SCAMP1: variants seen among roughly 807,000 people sequenced by gnomAD.
SCAMP1 encodes the protein secretory carrier-associated membrane protein 1.
Under a neutral mutation model 41.8 loss-of-function variants are expected in SCAMP1, and 15 were observed. That is an observed-to-expected ratio of 0.36 (90% CI 0.24 to 0.55). The LOEUF (loss-of-function observed/expected upper bound fraction) is 0.55. Among genes scored for constraint, SCAMP1 ranks in the 20% least tolerant of loss-of-function variants. The pLI, the probability that SCAMP1 is intolerant of heterozygous loss-of-function variation, is 0.86. For missense variants in SCAMP1, 341 were observed against 412.6 expected (o/e 0.83, Z 1.50); for synonymous variants, 135 against 136.8 (o/e 0.99, Z 0.09).
At chr5:78,442,764 T>G (rs1179206882) in intron 6 of SCAMP1, among the ~76,000 whole-genome samples, 3 of 152,252 alleles carry the variant, frequency 2.0e-5, no homozygotes, top group African/African-American at 7.2e-5. Flanking sequence ...TTTTAGTTGT[T>G]ATATTCTCCT....
intron 1 of SCAMP1, among the ~76,000 whole-genome samples, chr5:78,362,667 T>G (rs1435288277): frequency 2.0e-5 from 3 of 152,252 alleles, no homozygotes; most frequent in African/African-American, 7.2e-5. Context: ...TTCTCTGTTT[T>G]TGGTGACTGT....
rs780226418 is a variant in SCAMP1 at position 78,446,149 on chromosome 5, CTG to C, written c.633-3781_633-3780del. ...TCATTTGATCAGTTTTGTACACTAA[CTG>C]TGCATTTGTGTGTACTAACTGTACA... On this transcript the variant is annotated intron_variant, in intron 6 of 8. Transcript: ENST00000621999. Among the ~76,000 whole-genome samples the C allele has an allele frequency of 1.2e-4, 19 of 152,286 alleles. No homozygotes were observed. In the East Asian group the frequency reaches 1.7e-3, roughly 14 times the overall value.
chr5:78,409,447 ACG>A (rs1491214688), intron 2 of SCAMP1, among the ~76,000 whole-genome samples: 17 of 148,960 alleles, frequency 1.1e-4, no homozygotes, highest in Non-Finnish European at 2.2e-4. Flanking sequence ...ACACACACAC[ACG>A]CATACACGCT....
At chr5:78,376,520 G>T (rs1751069728) in intron 1 of SCAMP1, among the ~76,000 whole-genome samples, 1 of 152,142 alleles carries the variant, frequency 6.6e-6, no homozygotes, top group African/African-American at 2.4e-5. Context: ...CCAGTTCTTA[G>T]CAGTCACTTA....
At chr5:78,361,153 T>G in intron 1 of SCAMP1, 2 of 166,218 alleles carry the variant, frequency 1.2e-5, no homozygotes, top group South Asian at 1.4e-4. Flanking sequence ...GGACCCGAGG[T>G]GGCGGCGGCG....
Position 78,430,814 on chromosome 5 carries a change from A to G in SCAMP1, c.632+8854A>G, listed in dbSNP as rs144924705. 5.5e-3 allele frequency among the ~76,000 whole-genome samples: 831 copies of G among 152,160 alleles called. 4 individuals are homozygous for G. The highest frequency in any genetic ancestry group is 0.019 in the African/African-American group (785 of 41,562). ...GAATCCAGGTACATCAGTGATTTCCACACAGTAAGTTAACTGACTTTGGAA... is the reference window on the plus strand; with the variant it reads ...GAATCCAGGTACATCAGTGATTTCCGCACAGTAAGTTAACTGACTTTGGAA... On this transcript the variant is annotated intron_variant, in intron 6 of 8. Transcript: ENST00000621999.
At chr5:78,415,486 T>G in intron 2 of SCAMP1, 34 bp from the exon 3 acceptor site, 1 of 1,288,022 alleles carries the variant, frequency 7.8e-7, no homozygotes, top group Non-Finnish European at 1.1e-6. Flanking sequence ...TGGATCTCTG[T>G]GTTACATAAT....
intron 1 of SCAMP1, among the ~76,000 whole-genome samples, chr5:78,386,849 A>G (rs376607627): frequency 6.6e-6 from 1 of 152,094 alleles, no homozygotes; most frequent in African/African-American, 2.4e-5. Context: ...ATTTTTCTTT[A>G]TAGGTTACCT....
intron 7 of SCAMP1, among the ~76,000 whole-genome samples, chr5:78,453,147 G>C (rs1283812918): frequency 1.1e-4 from 17 of 151,288 alleles, no homozygotes; most frequent in East Asian, 5.8e-4. Context: ...CCTGTTCACT[G>C]TGATGGTAGT....
intron 8 of SCAMP1, among the ~76,000 whole-genome samples, chr5:78,460,781 CT>C (rs1561287032): frequency 2.4e-5 from 1 of 42,158 alleles, no homozygotes; most frequent in Admixed American, 1.5e-4. Flanking sequence ...TCCTTCCTTC[CT>C]TCCTTCCTTC....
chr5:78,428,952 A>G (rs1752531933), intron 6 of SCAMP1, among the ~76,000 whole-genome samples: 1 of 151,896 alleles, frequency 6.6e-6, no homozygotes, highest in Non-Finnish European at 1.5e-5. Flanking sequence ...TCATATATTG[A>G]TCTTGTATCA....
At position 78,381,147 on chromosome 5, in the gene SCAMP1, G is replaced by A. The variant is rs185556836; in HGVS notation, c.58-7690G>A. ...AAAGGCTTGCATGAAGATTATCATC[G>A]TTCAGGGAAATCGATGTTGATGGAG... On this transcript the variant is annotated intron_variant, in intron 1 of 8. Coordinates refer to ENST00000621999, the MANE Select transcript of SCAMP1 (RefSeq NM_004866.6). Among the ~76,000 whole-genome samples the A allele has an allele frequency of 4.6e-5, 7 of 152,310 alleles. No homozygotes were observed. The East Asian group carries it at 5.8e-4, about 13-fold the overall frequency.
At chr5:78,460,743 T>TCCTC (rs1753566580) in intron 8 of SCAMP1, among the ~76,000 whole-genome samples, 1 of 2,588 alleles carries the variant, frequency 3.9e-4, no homozygotes, top group African/African-American at 9.4e-4. Flanking sequence ...GTTTCTTTTC[T>TCCTC]CCTTCCTTCC....
Position 78,459,138 on chromosome 5 carries a change from C to T in SCAMP1, c.735-107C>T, listed in dbSNP as rs1271346445. On this transcript the variant is annotated intron_variant, in intron 7 of 8. Transcript: ENST00000621999. ...TAAATGCACTAATACACATAAAGAA[C>T]TTGAATATTGCCTGGCTGATAAGTG... The T allele has an allele frequency of 3.5e-5, 24 of 681,960 alleles. No individual in the cohort carries two copies. The East Asian group carries it at 5.6e-4, about 16-fold the overall frequency. 42.2% of individuals were successfully genotyped at this position (681,960 alleles called of 1,614,324 possible).
At chr5:78,432,569 A>G (rs1038335460) in intron 6 of SCAMP1, among the ~76,000 whole-genome samples, 1 of 152,106 alleles carries the variant, frequency 6.6e-6, no homozygotes, top group African/African-American at 2.4e-5. Context: ...CTAGAAGTCC[A>G]CTATAATTCT....
intron 8 of SCAMP1, among the ~76,000 whole-genome samples, chr5:78,472,664 A>T (rs1753913598): frequency 6.6e-6 from 1 of 152,062 alleles, no homozygotes; most frequent in Non-Finnish European, 1.5e-5. Flanking sequence ...TTTTCCCTCT[A>T]GGTGGCTCTC....
intron 6 of SCAMP1, among the ~76,000 whole-genome samples, chr5:78,426,118 A>G (rs888102131): frequency 3.9e-5 from 6 of 152,304 alleles, no homozygotes; most frequent in Admixed American, 3.3e-4. Flanking sequence ...TGCAAAGGAC[A>G]TGAACTCATT....
rs943152201 is a variant in SCAMP1 at position 78,480,010 on chromosome 5, C to T, written c.*4342C>T. On this transcript the variant is annotated 3_prime_UTR_variant, in exon 9 of 9. Coordinates refer to ENST00000621999, the MANE Select transcript of SCAMP1 (RefSeq NM_004866.6). ...GCAGTGAGCCGAGATCTCTCCACTG[C>T]ACTCCAGCCTGGGCGACAGAGCGAG... is the stretch of plus-strand genomic sequence containing the variant. Among the ~76,000 whole-genome samples, 1 of 151,470 alleles carries T rather than the reference C, an allele frequency of 6.6e-6. No homozygotes were observed. The highest frequency in any genetic ancestry group is 2.4e-5 in the African/African-American group (1 of 41,078).
chr5:78,405,254 A>G (rs1325354727), intron 2 of SCAMP1, among the ~76,000 whole-genome samples: 1 of 152,170 alleles, frequency 6.6e-6, no homozygotes, highest in Non-Finnish European at 1.5e-5. Context: ...TTTTTTTCAG[A>G]GTAAAAACCA....
Sources: gnomAD v4.1 joint callset for allele counts (sites outside exome capture counted in the v4.1 genomes callset) on GRCh38, gnomAD v4.1.1 for gene constraint, MANE v1.5 for transcripts, NCBI Gene and HGNC (gene_info 2026-07-23, HGNC 2026-07-21) for gene names.